PPP2R2B: variants seen among roughly 807,000 people sequenced by gnomAD.
PPP2R2B encodes protein phosphatase 2 regulatory subunit Bbeta, also known as serine/threonine-protein phosphatase 2A 55 kDa regulatory subunit B beta isoform.
Under a neutral mutation model 46.0 loss-of-function variants are expected in PPP2R2B, and 5 were observed. That is an observed-to-expected ratio of 0.11 (90% CI 0.06 to 0.23). The LOEUF is 0.23. Ranked by LOEUF, PPP2R2B falls within the 10% of genes least tolerant of loss-of-function variation. PPP2R2B has a pLI of 1.00. For synonymous variants in PPP2R2B, 215 were observed against 206.7 expected, an observed-to-expected ratio of 1.04 and a Z score of -0.34; for missense variants, 367 against 575.0, an observed-to-expected ratio of 0.64 and a Z score of 3.70.
At chr5:146,895,276 T>C (rs1238649877) in intron 1 of PPP2R2B, among the ~76,000 whole-genome samples, 1 of 152,208 alleles carries the variant, frequency 6.6e-6, no homozygotes, top group Non-Finnish European at 1.5e-5. Context: ...AGGAAAGAAT[T>C]CTTGCTGATG....
intron 7 of PPP2R2B, among the ~76,000 whole-genome samples, chr5:146,632,039 C>G (rs906901411): frequency 5.3e-5 from 8 of 151,594 alleles, no homozygotes; most frequent in Non-Finnish European, 1.2e-4. Context: ...TATGTCTTTC[C>G]TCCTACTATG....
At chr5:146,974,934 C>A (rs565162980) in intron 1 of PPP2R2B, among the ~76,000 whole-genome samples, 11 of 152,068 alleles carry the variant, frequency 7.2e-5, no homozygotes, top group Non-Finnish European at 1.0e-4. Flanking sequence ...CGTGATCCGC[C>A]CACCTCTGCC....
At chr5:147,046,171 T>A (rs1281857102) in intron 1 of PPP2R2B, among the ~76,000 whole-genome samples, 2 of 152,144 alleles carry the variant, frequency 1.3e-5, no homozygotes, top group African/African-American at 2.4e-5. Context: ...TCTTTATGTG[T>A]GTGTTTGTAT....
intron 1 of PPP2R2B, among the ~76,000 whole-genome samples, chr5:146,934,410 A>G (rs957585384): frequency 5.3e-5 from 8 of 151,198 alleles, no homozygotes; most frequent in Non-Finnish European, 1.2e-4. Flanking sequence ...TGTGGTTTTG[A>G]TTTGCATTTC....
chr5:146,712,955 T>G (rs1257748652), intron 2 of PPP2R2B, among the ~76,000 whole-genome samples: 1 of 152,156 alleles, frequency 6.6e-6, no homozygotes, highest in Non-Finnish European at 1.5e-5. Context: ...TAAAGAAAGA[T>G]CAATTAAAAA....
chr5:146,716,660 C>A, intron 2 of PPP2R2B, among the ~76,000 whole-genome samples: 1 of 152,262 alleles, frequency 6.6e-6, no homozygotes, highest in South Asian at 2.1e-4. Context: ...TGCATTCAGA[C>A]CTTTGCTTAA....
chr5:146,934,583 G>GAAAAAAAAAAAAAA (rs3062352), intron 1 of PPP2R2B, among the ~76,000 whole-genome samples: 2 of 31,490 alleles, frequency 6.4e-5, no homozygotes, highest in Non-Finnish European at 1.3e-4. Context: ...TTTTTCATAA[G>GAAAAAAAAAAAAAA]AAAAAAAAAA....
In PPP2R2B at chr5:146,581,509, A is replaced by G. The variant is rs970127017; in HGVS notation, c.*8438T>C. 1.3e-5 allele frequency: 2 copies of G among 152,244 alleles called. No individual in the cohort carries two copies. The highest frequency in any genetic ancestry group is 6.5e-5 in the Admixed American group (1 of 15,288). The allele number at this position is 152,244 out of a possible 1,614,324, so 9.4% of individuals were successfully genotyped here. On this transcript the variant is annotated 3_prime_UTR_variant, in exon 10 of 10. Coordinates refer to ENST00000394411, the MANE Select transcript of PPP2R2B (RefSeq NM_181675.4). The stretch of plus-strand genomic sequence containing the variant: ...GAGATTATGGTGAGGACACAGATCC[A>G]AATCATGTCAATATATAATTAACCT...
At chr5:146,661,981 T>G (rs1247949646) in intron 5 of PPP2R2B, among the ~76,000 whole-genome samples, 2 of 152,078 alleles carry the variant, frequency 1.3e-5, no homozygotes, top group African/African-American at 2.4e-5. Context: ...TGGTTTAATT[T>G]TTGGTTAGTT....
intron 2 of PPP2R2B, among the ~76,000 whole-genome samples, chr5:146,805,114 A>G (rs1244871894): frequency 6.6e-6 from 1 of 152,162 alleles, no homozygotes; most frequent in Admixed American, 6.5e-5. Context: ...AATTGCAGAG[A>G]GTGATTAGCC....
At position 146,876,594 on chromosome 5, in the gene PPP2R2B, T is replaced by C. The variant is rs540985372; in HGVS notation, c.70+1408A>G. On this transcript the variant is annotated intron_variant, in intron 2 of 9. Coordinates refer to ENST00000394411, the MANE Select transcript of PPP2R2B (RefSeq NM_181675.4). ...AGAACATCTTACAATCAGGTTGCCA[T>C]CATGCACAGAAAAAGAATCGGTAAG... Among the ~76,000 whole-genome samples, 18 of 152,234 alleles carry C rather than the reference T, an allele frequency of 1.2e-4. No homozygotes were observed. In the South Asian group the frequency reaches 3.5e-3, roughly 30 times the overall value.
At chr5:146,769,191 C>A (rs767061734) in intron 2 of PPP2R2B, among the ~76,000 whole-genome samples, 1 of 152,112 alleles carries the variant, frequency 6.6e-6, no homozygotes. Flanking sequence ...TAAAGCACAG[C>A]CTTCTCCCTT....
At chr5:146,686,958 C>A (rs907643452) in intron 5 of PPP2R2B, among the ~76,000 whole-genome samples, 3 of 151,664 alleles carry the variant, frequency 2.0e-5, no homozygotes, top group Non-Finnish European at 4.4e-5. Context: ...GCATAGGGAC[C>A]TCAAGGCCTT....
intron 2 of PPP2R2B, among the ~76,000 whole-genome samples, chr5:146,794,621 A>G (rs1756408476): frequency 6.6e-6 from 1 of 152,172 alleles, no homozygotes; most frequent in Admixed American, 6.6e-5. Flanking sequence ...TCTACAGTTG[A>G]GTAAGCCCAG....
intron 2 of PPP2R2B, among the ~76,000 whole-genome samples, chr5:146,866,645 C>T (rs964966058): frequency 6.6e-6 from 1 of 152,024 alleles, no homozygotes; most frequent in South Asian, 2.1e-4. Flanking sequence ...TATACACACA[C>T]ATATATATGC....
At chr5:146,703,627 CTTTCCCAGGGGATGACACATACAT>C in intron 2 of PPP2R2B, among the ~76,000 whole-genome samples, 1 of 152,314 alleles carries the variant, frequency 6.6e-6, no homozygotes, top group East Asian at 1.9e-4. Context: ...GCAACACTTG[CTTTCCCAGGGGATGACACATACAT>C]TTTCCTTCTT....
chr5:146,718,387 T>TAA (rs541550995), intron 2 of PPP2R2B, among the ~76,000 whole-genome samples: 1 of 144,110 alleles, frequency 6.9e-6, no homozygotes. Context: ...GACCCCATCT[T>TAA]AAAAAAAAAA....
At chr5:146,999,528 C>T (rs895281921) in intron 1 of PPP2R2B, among the ~76,000 whole-genome samples, 4 of 152,202 alleles carry the variant, frequency 2.6e-5, no homozygotes, top group African/African-American at 9.6e-5. Context: ...CCAGGCTCCT[C>T]AGGTGATTCT....
chr5:146,885,972 A>T (rs567970827), intron 1 of PPP2R2B, among the ~76,000 whole-genome samples: 1 of 146,948 alleles, frequency 6.8e-6, no homozygotes, highest in Non-Finnish European at 1.5e-5. Flanking sequence ...GACTGAGGAT[A>T]AAAAAAAAAG....
Sources: gnomAD v4.1 joint callset for allele counts (sites outside exome capture counted in the v4.1 genomes callset) on GRCh38, gnomAD v4.1.1 for gene constraint, MANE v1.5 for transcripts, NCBI Gene and HGNC (gene_info 2026-07-23, HGNC 2026-07-21) for gene names.